MBNL2: variants seen among roughly 807,000 people sequenced by gnomAD.
MBNL2 encodes the protein muscleblind-like protein 2.
Under a neutral mutation model 41.9 loss-of-function variants are expected in MBNL2, and 17 were observed. That is an observed-to-expected ratio of 0.41 (90% CI 0.28 to 0.61). MBNL2 has a LOEUF of 0.61. Among genes scored for constraint, MBNL2 ranks in the 20% least tolerant of loss-of-function variants. The probability of loss-of-function intolerance (pLI) is 0.35; values close to 1 mark genes in which losing one functional copy is unlikely to be tolerated. For synonymous variants in MBNL2, 195 were observed against 182.9 expected (o/e 1.07, Z -0.53); for missense variants, 336 against 505.6 (o/e 0.66, Z 3.22).
At chr13:97,310,421 TTTTTTTTTC>T (rs748273177) in intron 2 of MBNL2, among the ~76,000 whole-genome samples, 18 of 151,728 alleles carry the variant, frequency 1.2e-4, no homozygotes, top group South Asian at 4.1e-4. Context: ...CCTATTTCTT[TTTTTTTTTC>T]TTTTTTTTCT....
At chr13:97,210,642 G>T in the MBNL2 span, among the ~76,000 whole-genome samples, 1 of 120,810 alleles carries the variant, frequency 8.3e-6, no homozygotes, top group Non-Finnish European at 1.6e-5. Flanking sequence ...GCCCAGGCTG[G>T]AGTGCAGTGG....
At chr13:97,182,315 G>A in the MBNL2 span, among the ~76,000 whole-genome samples, 4 of 152,218 alleles carry the variant, frequency 2.6e-5, no homozygotes, top group African/African-American at 7.2e-5. Flanking sequence ...GCAGGTGGAC[G>A]AAGGAAGTCA....
the MBNL2 span, among the ~76,000 whole-genome samples, chr13:97,208,927 G>C: frequency 3.9e-5 from 6 of 152,132 alleles, no homozygotes; most frequent in Admixed American, 6.5e-5. Context: ...AGTGGCCCTG[G>C]ACATAAACTC....
chr13:97,259,546 G>A (rs1000818556), intron 1 of MBNL2, among the ~76,000 whole-genome samples: 3 of 152,200 alleles, frequency 2.0e-5, no homozygotes, highest in Admixed American at 6.5e-5. Context: ...CCCTTCCCCC[G>A]ATTCAGATGC....
At chr13:97,261,419 A>C (rs549733774) in intron 1 of MBNL2, among the ~76,000 whole-genome samples, 6 of 152,220 alleles carry the variant, frequency 3.9e-5, no homozygotes, top group African/African-American at 1.4e-4. Flanking sequence ...CGTCACCTCC[A>C]TGTGTACTAG....
At chr13:97,157,237 T>C in the MBNL2 span, among the ~76,000 whole-genome samples, 1 of 142,598 alleles carries the variant, frequency 7.0e-6, no homozygotes, top group African/African-American at 2.6e-5. Context: ...TTTTTGCACA[T>C]TGATTTTGTA....
At chr13:97,364,556 G>A (rs1275538240) in intron 7 of MBNL2, among the ~76,000 whole-genome samples, 2 of 152,140 alleles carry the variant, frequency 1.3e-5, no homozygotes, top group Admixed American at 1.3e-4. Flanking sequence ...CTGATTTGGA[G>A]AATATCTTAA....
chr13:97,179,945 T>C, the MBNL2 span, among the ~76,000 whole-genome samples: 1 of 152,146 alleles, frequency 6.6e-6, no homozygotes, highest in African/African-American at 2.4e-5. Context: ...TAAAGAGCAA[T>C]AGAAAACCGT....
intron 1 of MBNL2, among the ~76,000 whole-genome samples, chr13:97,260,855 A>AT (rs989477833): frequency 2.2e-4 from 33 of 149,436 alleles, no homozygotes; most frequent in Admixed American, 1.0e-3. Context: ...TAACCTCCTT[A>AT]TTTTTTTTTT....
At chr13:97,205,632 A>G in the MBNL2 span, among the ~76,000 whole-genome samples, 1 of 152,172 alleles carries the variant, frequency 6.6e-6, no homozygotes, top group South Asian at 2.1e-4. Flanking sequence ...TGTAAGAAGA[A>G]AACTCTCATT....
In MBNL2 at chr13:97,265,531, C is replaced by A. The variant is rs138301534; in HGVS notation, c.-604-10101C>A. Among the ~76,000 whole-genome samples, 29 of 152,296 alleles carry A rather than the reference C, an allele frequency of 1.9e-4. No individual in the cohort carries two copies. The East Asian group carries it at 5.6e-3, about 29-fold the overall frequency. ...GGGCGTGTCCAACTCACATGCTAGG[C>A]AGGACTTCATAGCTTGTACCTACCT... On this transcript the variant is annotated intron_variant, in intron 1 of 8. Coordinates refer to ENST00000679496, the MANE Select transcript of MBNL2 (RefSeq NM_001382683.1).
chr13:97,235,317 G>A (rs2043071351), intron 1 of MBNL2, among the ~76,000 whole-genome samples: 2 of 152,112 alleles, frequency 1.3e-5, no homozygotes, highest in Non-Finnish European at 2.9e-5. Flanking sequence ...AAAATTGCCA[G>A]CTTTCTAGCT....
chr13:97,272,936 A>C (rs1022001386), intron 1 of MBNL2, among the ~76,000 whole-genome samples: 1 of 152,200 alleles, frequency 6.6e-6, no homozygotes, highest in African/African-American at 2.4e-5. Context: ...CCCAGGGGGA[A>C]AAAATATATA....
chr13:97,156,929 AG>A, the MBNL2 span, among the ~76,000 whole-genome samples: 134 of 152,064 alleles, frequency 8.8e-4, 1 homozygote, highest in Non-Finnish European at 1.6e-3. Context: ...AATTCTGTGA[AG>A]AAAGTCATTG....
At chr13:97,203,619 C>T in the MBNL2 span, among the ~76,000 whole-genome samples, 2 of 152,150 alleles carry the variant, frequency 1.3e-5, no homozygotes, top group African/African-American at 2.4e-5. Context: ...CTTGGCATGG[C>T]CTCCCCTGCC....
In MBNL2 at chr13:97,289,473, C is replaced by T. The variant is rs534735588; in HGVS notation, c.174+13064C>T. Among the ~76,000 whole-genome samples, 23 of 152,088 alleles carry T rather than the reference C, an allele frequency of 1.5e-4. No individual in the cohort carries two copies. In the East Asian group the frequency reaches 4.0e-3, roughly 27 times the overall value. On this transcript the variant is annotated intron_variant, in intron 2 of 8. Transcript: ENST00000679496. ...CCTTTCCCCCATTCCTGCTAACTTTCGGTTGTTAACAGAAGTTGGGATAGC... is the reference window on the plus strand; with the variant it reads ...CCTTTCCCCCATTCCTGCTAACTTTTGGTTGTTAACAGAAGTTGGGATAGC...
chr13:97,352,167 G>A (rs949782259), intron 5 of MBNL2, among the ~76,000 whole-genome samples: 1 of 152,084 alleles, frequency 6.6e-6, no homozygotes, highest in Middle Eastern at 3.4e-3. Context: ...AGGCTGTTTT[G>A]CTTTCTTATC....
At chr13:97,159,051 C>G in the MBNL2 span, among the ~76,000 whole-genome samples, 1 of 151,528 alleles carries the variant, frequency 6.6e-6, no homozygotes, top group African/African-American at 2.4e-5. Context: ...GTAGGTCACT[C>G]AGGACTTGCT....
intron 5 of MBNL2, among the ~76,000 whole-genome samples, chr13:97,348,069 G>C: frequency 7.2e-6 from 1 of 137,944 alleles, no homozygotes; most frequent in South Asian, 2.3e-4. Flanking sequence ...GGTCTGGGCA[G>C]TGGGATTTTT....
Sources: gnomAD v4.1 joint callset for allele counts (sites outside exome capture counted in the v4.1 genomes callset) on GRCh38, gnomAD v4.1.1 for gene constraint, MANE v1.5 for transcripts, NCBI Gene and HGNC (gene_info 2026-07-23, HGNC 2026-07-21) for gene names.